LNX1: variants seen among roughly 807,000 people sequenced by gnomAD.
LNX1 encodes ligand of numb-protein X 1.
Under a neutral mutation model 68.4 loss-of-function variants are expected in LNX1, and 54 were observed. The ratio of observed to expected loss-of-function variants is 0.79; its 90% CI spans 0.63 to 0.99. The LOEUF (loss-of-function observed/expected upper bound fraction) is 0.99, where lower values mean the gene tolerates loss of function less well. Ranked by LOEUF, LNX1 falls within the 50% of genes least tolerant of loss-of-function variation. LNX1 has a pLI of 0.00. For synonymous variants in LNX1, 336 were observed against 350.0 expected (o/e 0.96, Z 0.45); for missense variants, 906 against 926.4 (o/e 0.98, Z 0.29).
intron 2 of LNX1, among the ~76,000 whole-genome samples, chr4:53,509,563 A>C (rs530744369): frequency 1.1e-4 from 16 of 152,314 alleles, no homozygotes; most frequent in South Asian, 8.3e-4. Context: ...AAATTTGCAT[A>C]TACTTTCTGG....
At position 53,589,733 on chromosome 4, in the gene LNX1, G is replaced by A. The variant is rs75358681; in HGVS notation, c.-87+1655C>T. Among the ~76,000 whole-genome samples, 833 of 152,276 alleles carry A rather than the reference G, an allele frequency of 5.5e-3. 13 individuals carry two copies. Among genetic ancestry groups the A allele is most frequent in the African/African-American group, 0.019 (779 of 41,548 alleles). ...CCTATGTCCACTTGAACCAATGGGTGGAGTTACCACAGGAACTCTGGACAG... is the reference window on the plus strand; with the variant it reads ...CCTATGTCCACTTGAACCAATGGGTAGAGTTACCACAGGAACTCTGGACAG... On this transcript the variant is annotated intron_variant, in intron 1 of 10. Coordinates refer to ENST00000263925, the MANE Select transcript of LNX1 (RefSeq NM_001126328.3).
intron 2 of LNX1, among the ~76,000 whole-genome samples, chr4:53,571,019 T>C (rs1731126143): frequency 6.8e-6 from 1 of 147,484 alleles, no homozygotes. Context: ...AGAGCCAGAC[T>C]CCGTCTAAAA....
chr4:53,593,636 G>A (rs1210923688), upstream of LNX1, among the ~76,000 whole-genome samples: 2 of 151,802 alleles, frequency 1.3e-5, no homozygotes, highest in Non-Finnish European at 2.9e-5. Flanking sequence ...CCTGGATTTC[G>A]AATAATATGC....
At chr4:53,586,762 G>A (rs1315206817) in intron 1 of LNX1, among the ~76,000 whole-genome samples, 1 of 152,146 alleles carries the variant, frequency 6.6e-6, no homozygotes, top group Non-Finnish European at 1.5e-5. Context: ...TCTCAAATTG[G>A]TGGATCATCT....
chr4:53,459,317 C>T lies in LNX1; in HGVS notation c.*1590G>A. 6.3e-7 allele frequency: 1 copy of T among 1,577,138 alleles called. No individual in the cohort carries two copies. The highest frequency in any genetic ancestry group is 8.6e-7 in the Non-Finnish European group (1 of 1,161,624). On this transcript the variant is annotated 3_prime_UTR_variant, in exon 11 of 11. Coordinates refer to ENST00000263925, the MANE Select transcript of LNX1 (RefSeq NM_001126328.3). Reference sequence around the variant, plus strand: ...TTTTTTCCAGTAATAGTAGACGTCGCCATGAAAGTGAAGAAGGAGATAGTC... The same window carrying T: ...TTTTTTCCAGTAATAGTAGACGTCGTCATGAAAGTGAAGAAGGAGATAGTC...
chr4:53,481,831 G>A lies in LNX1; in HGVS notation c.1374C>T (p.Leu458=), dbSNP rs778029837. 21 of 1,609,958 alleles carry A rather than the reference G, an allele frequency of 1.3e-5. No homozygotes were observed. In the South Asian group the frequency reaches 1.8e-4, roughly 14 times the overall value. Residue 458 remains leucine, a synonymous_variant, in exon 7 of 11, where the codon CTC becomes CTT. Coordinates refer to ENST00000263925, the MANE Select transcript of LNX1 (RefSeq NM_001126328.3). Reference sequence around the variant, plus strand: ...GCTGCCGAACCTGGCGGGACACGACGAGGTGAACACGTCTTTCACTGGCCT... The same window carrying A: ...GCTGCCGAACCTGGCGGGACACGACAAGGTGAACACGTCTTTCACTGGCCT... ...LIQASERRVH[L]VVSRQVRQRS...
At chr4:53,589,008 A>G (rs781434160) in intron 1 of LNX1, among the ~76,000 whole-genome samples, 4 of 152,216 alleles carry the variant, frequency 2.6e-5, no homozygotes, top group Non-Finnish European at 5.9e-5. Flanking sequence ...TCCTCCTGCC[A>G]GAGGCTCGGC....
chr4:53,628,379 C>T (rs561787078), intron 1 of LNX1, among the ~76,000 whole-genome samples: 27 of 152,130 alleles, frequency 1.8e-4, no homozygotes, highest in African/African-American at 6.3e-4. Context: ...AGCCAAGAAA[C>T]ATGGAAAAAT....
At chr4:53,500,933 T>C (rs1725431518) in intron 4 of LNX1, among the ~76,000 whole-genome samples, 1 of 152,208 alleles carries the variant, frequency 6.6e-6, no homozygotes, top group Non-Finnish European at 1.5e-5. Context: ...CTTCCCTTGT[T>C]ACCATCTTTT....
In LNX1 at chr4:53,558,928, G is replaced by A. The variant is rs562587669; in HGVS notation, c.380+14695C>T. Among the ~76,000 whole-genome samples, 36 of 152,220 alleles carry A rather than the reference G, an allele frequency of 2.4e-4. No homozygotes were observed. The South Asian group carries it at 7.3e-3, about 31-fold the overall frequency. On this transcript the variant is annotated intron_variant, in intron 2 of 10. Transcript: ENST00000263925. ...ATCTGGGATTTGAGACTGCATCACC[G>A]GCCTCAACACTAAGACTTCTTTGCA...
rs1452519068 is a variant in LNX1, at chr4:53,460,196, G to A, written c.*711C>T. The A allele has an allele frequency of 5.1e-6, 1 of 196,320 alleles. No individual in the cohort carries two copies. The highest frequency in any genetic ancestry group is 2.3e-5 in the African/African-American group (1 of 43,268). 12.2% of individuals were successfully genotyped at this position (196,320 alleles called of 1,614,324 possible). Reference sequence around the variant, plus strand: ...TTGGCCTTCTTGATGCATTTTCCAAGGCCCACTGGTGGAGCAGCATGAGTT... The same window carrying A: ...TTGGCCTTCTTGATGCATTTTCCAAAGCCCACTGGTGGAGCAGCATGAGTT... On this transcript the variant is annotated 3_prime_UTR_variant, in exon 11 of 11. Coordinates refer to ENST00000263925, the MANE Select transcript of LNX1 (RefSeq NM_001126328.3).
intron 1 of LNX1, among the ~76,000 whole-genome samples, chr4:53,641,324 G>A (rs1734674359): frequency 1.3e-5 from 2 of 152,328 alleles, no homozygotes; most frequent in African/African-American, 4.8e-5. Flanking sequence ...CAGATAAGAG[G>A]CGCTCTTCAG....
chr4:53,509,756 G>C (rs1726189602), intron 2 of LNX1, among the ~76,000 whole-genome samples: 1 of 152,156 alleles, frequency 6.6e-6, no homozygotes, highest in Admixed American at 6.6e-5. Flanking sequence ...GCTTTAACAT[G>C]TCTAAAATCA....
intron 2 of LNX1, among the ~76,000 whole-genome samples, chr4:53,529,102 A>AACACAGACACACACAC (rs1553935137): frequency 2.2e-5 from 3 of 138,322 alleles, no homozygotes; most frequent in Non-Finnish European, 4.7e-5. Flanking sequence ...AGTCCTGACC[A>AACACAGACACACACAC]ACACACACAC....
chr4:53,534,252 T>C (rs1560650627), intron 2 of LNX1, among the ~76,000 whole-genome samples: 1 of 152,160 alleles, frequency 6.6e-6, no homozygotes, highest in Non-Finnish European at 1.5e-5. Flanking sequence ...GTTTGGCTCT[T>C]AAAGGGTCTC....
At chr4:53,478,949 C>G (rs968407461) in intron 7 of LNX1, among the ~76,000 whole-genome samples, 1 of 152,156 alleles carries the variant, frequency 6.6e-6, no homozygotes, top group African/African-American at 2.4e-5. Flanking sequence ...CACTCCCAAC[C>G]ATAATAGGGT....
chr4:53,475,816 T>TGTAA (rs1278907984), intron 9 of LNX1, among the ~76,000 whole-genome samples: 79 of 152,244 alleles, frequency 5.2e-4, no homozygotes, highest in Non-Finnish European at 2.9e-5. Flanking sequence ...ATTACGTCAC[T>TGTAA]GTAAGGCTCT....
chr4:53,588,639 G>T (rs1204404271), intron 1 of LNX1, among the ~76,000 whole-genome samples: 5 of 152,166 alleles, frequency 3.3e-5, no homozygotes, highest in Admixed American at 3.3e-4. Flanking sequence ...TGCTTCAGTT[G>T]TAAGGATGGA....
At chr4:53,617,992 G>C (rs1243004998), upstream of LNX1, among the ~76,000 whole-genome samples, 1 of 152,030 alleles carries the variant, frequency 6.6e-6, no homozygotes, top group Non-Finnish European at 1.5e-5. Flanking sequence ...TTAGGTGTTT[G>C]ATTATTTATT....
Sources: gnomAD v4.1 joint callset for allele counts (sites outside exome capture counted in the v4.1 genomes callset) on GRCh38, gnomAD v4.1.1 for gene constraint, MANE v1.5 for transcripts, NCBI Gene and HGNC (gene_info 2026-07-23, HGNC 2026-07-21) for gene names.